ZDHHC22: variants seen among roughly 807,000 people sequenced by gnomAD.
ZDHHC22 encodes palmitoyltransferase ZDHHC22.
A neutral mutation model predicts 17.0 loss-of-function variants in ZDHHC22; 13 were observed. The observed-to-expected ratio is 0.76, with a 90% CI of 0.50 to 1.21. The LOEUF (loss-of-function observed/expected upper bound fraction) is 1.21, where lower values mean the gene tolerates loss of function less well. ZDHHC22 is among the 50% of genes most tolerant of loss of function. The pLI is 0.00. For synonymous variants in ZDHHC22, 138 were observed against 154.7 expected, an observed-to-expected ratio of 0.89 and a Z score of 0.80; for missense variants, 319 against 342.3, an observed-to-expected ratio of 0.93 and a Z score of 0.54.
intron 1 of ZDHHC22, chr14:77,141,117 T>C (rs1887246418): frequency 6.6e-6 from 1 of 152,130 alleles, no homozygotes; most frequent in African/African-American, 2.4e-5. Context: ...CGCAGCGCAG[T>C]GCACGCCTGA....
Position 77,133,506 on chromosome 14 carries a change from C to T in ZDHHC22, c.*177G>A. 1.1e-6 allele frequency: 1 copy of T among 893,994 alleles called. No homozygotes were observed. The highest frequency in any genetic ancestry group is 2.4e-5 in the South Asian group (1 of 42,454). The allele number at this position is 893,994 out of a possible 1,614,324, so 55.4% of individuals were successfully genotyped here. On this transcript the variant is annotated 3_prime_UTR_variant, in exon 3 of 3. Coordinates refer to ENST00000319374, the MANE Select transcript of ZDHHC22 (RefSeq NM_174976.2). ...TAGAAATGCCTGGGGGGACATTTTT[C>T]CTCCTTGTCATGATCCACCAGCTCA...
rs899488486 is a variant in ZDHHC22 at position 77,131,490 on chromosome 14, G to T, written c.*2193C>A. 1 of 152,198 alleles carries T rather than the reference G, an allele frequency of 6.6e-6. No individual in the cohort carries two copies. Among genetic ancestry groups the T allele is most frequent in the East Asian group, 1.9e-4 (1 of 5,194 alleles). The allele number at this position is 152,198 out of a possible 1,614,324, so 9.4% of individuals were successfully genotyped here. On this transcript the variant is annotated 3_prime_UTR_variant, in exon 3 of 3. Transcript: ENST00000319374. ...CAGGAGGCTGGAAATAGCAGGGCTGGCTTCTAAGCTTGAGCTCTGGAGCCA... is the reference window on the plus strand; with the variant it reads ...CAGGAGGCTGGAAATAGCAGGGCTGTCTTCTAAGCTTGAGCTCTGGAGCCA...
chr14:77,139,083 A>T, intron 2 of ZDHHC22, 130 bp downstream of exon 2: 1 of 1,051,874 alleles, frequency 9.5e-7, no homozygotes, highest in Non-Finnish European at 1.4e-6. Context: ...TGAAATTTTA[A>T]TTTAGCGGGA....
chr14:77,136,834 G>A (rs1465164726), intron 2 of ZDHHC22, among the ~76,000 whole-genome samples: 1 of 152,184 alleles, frequency 6.6e-6, no homozygotes, highest in East Asian at 1.9e-4. Flanking sequence ...GCAGTGGCAT[G>A]ATCATAGCTC....
At position 77,139,235 on chromosome 14, in the gene ZDHHC22, G is replaced by A. The variant is rs1275657716; in HGVS notation, c.504C>T (p.Thr168=). The change falls in exon 2 of 3, where the codon ACC becomes ACT. Residue 168 remains threonine, a synonymous_variant. Transcript: ENST00000319374. ...CACCGGAGAAGAACTGGCTGATGGAGGTGGGCAGGAGCGTGAGGAAGGCCA... is the reference window on the plus strand; with the variant it reads ...CACCGGAGAAGAACTGGCTGATGGAAGTGGGCAGGAGCGTGAGGAAGGCCA... The part of the protein sequence containing the change: ...HPLAFLTLLP[T]SISQFFSGAV... The A allele has an allele frequency of 1.9e-6, 3 of 1,586,656 alleles. No homozygotes were observed. Among genetic ancestry groups the A allele is most frequent in the South Asian group, 2.3e-5 (2 of 86,738 alleles).
intron 2 of ZDHHC22, among the ~76,000 whole-genome samples, chr14:77,138,084 G>C (rs1489750137): frequency 2.6e-5 from 4 of 152,182 alleles, no homozygotes; most frequent in Admixed American, 2.6e-4. Flanking sequence ...CAAGCACGTA[G>C]ACACTACTGA....
rs956104894 is a variant in ZDHHC22 at position 77,133,513 on chromosome 14, G to A, written c.*170C>T. ...GCCTGGGGGGACATTTTTCCTCCTT[G>A]TCATGATCCACCAGCTCACGCTGTT... On this transcript the variant is annotated 3_prime_UTR_variant, in exon 3 of 3. Transcript: ENST00000319374. 4.2e-6 allele frequency: 4 copies of A among 957,758 alleles called. No homozygotes were observed. Among genetic ancestry groups the A allele is most frequent in the Non-Finnish European group, 5.8e-6 (4 of 684,846 alleles). 59.3% of individuals were successfully genotyped at this position (957,758 alleles called of 1,614,324 possible). A position where few individuals can be genotyped will look rare whatever the true frequency, so the allele number is the denominator to read the frequency against.
chr14:77,136,310 A>C (rs1456659759), intron 2 of ZDHHC22, among the ~76,000 whole-genome samples: 1 of 152,168 alleles, frequency 6.6e-6, no homozygotes, highest in Non-Finnish European at 1.5e-5. Context: ...TTGGTTTCTG[A>C]GCCTTAAAAA....
chr14:77,139,147 G>T, intron 2 of ZDHHC22, 66 bp downstream of exon 2: 8 of 1,492,796 alleles, frequency 5.4e-6, no homozygotes, highest in Non-Finnish European at 7.2e-6. Flanking sequence ...GGGGTTTGGG[G>T]CCCGGCAACC....
In ZDHHC22 at chr14:77,139,215, GAGA is replaced by G; in HGVS notation, c.521_523del (p.Phe174del). 2 of 1,574,842 alleles carry G rather than the reference GAGA, an allele frequency of 1.3e-6. No individual in the cohort carries two copies. Among genetic ancestry groups the G allele is most frequent in the Non-Finnish European group, 1.7e-6 (2 of 1,159,920 alleles). ...CCTGCCCGCCAAGGCCCACTCACCG[GAGA>G]AGAACTGGCTGATGGAGGTGGGCAG... On this transcript the variant is annotated inframe_deletion, in exon 2 of 3. Coordinates refer to ENST00000319374, the MANE Select transcript of ZDHHC22 (RefSeq NM_174976.2).
chr14:77,139,447 G>A lies in ZDHHC22; in HGVS notation c.292C>T (p.Arg98Ter), dbSNP rs763970979. 1.2e-6 allele frequency: 2 copies of A among 1,612,916 alleles called. No homozygotes were observed. The highest frequency in any genetic ancestry group is 2.2e-5 in the South Asian group (2 of 90,716). Residue 98 changes from arginine (R) to a stop codon, truncating the protein, a stop_gained, in exon 2 of 3, where the codon CGA (arginine) becomes TGA (stop). Transcript: ENST00000319374. LOFTEE classifies it high-confidence loss of function. ...CTCAGGGTGACTCTGGCGCACACTC[G>A]GCAGAAGTGGGTGCTAGGTGAGGGG... Reference protein sequence around the residue: ...PCPSPSTHFCRVCARVTLRHD... With the variant: ...PCPSPSTHFC
chr14:77,134,013 A>T, intron 2 of ZDHHC22, 65 bp from the exon 3 acceptor site: 2 of 1,480,372 alleles, frequency 1.4e-6, no homozygotes, highest in Non-Finnish European at 9.0e-7. Context: ...CATAACTGCG[A>T]TCTAGGCAGG....
In ZDHHC22 at chr14:77,132,574, C is replaced by G. The variant is rs1217446339; in HGVS notation, c.*1109G>C. On this transcript the variant is annotated 3_prime_UTR_variant, in exon 3 of 3. Transcript: ENST00000319374. The stretch of plus-strand genomic sequence containing the variant: ...CTAGAATGACCCTGTACAGAAATCC[C>G]TTCCACAGCATGCCTGGCAGACGAC... 6.6e-6 allele frequency: 1 copy of G among 152,210 alleles called. No homozygotes were observed. The highest frequency in any genetic ancestry group is 2.4e-5 in the African/African-American group (1 of 41,434). The allele number at this position is 152,210 out of a possible 1,614,324, so 9.4% of individuals were successfully genotyped here.
In ZDHHC22 at chr14:77,133,264, C is replaced by A. The variant is rs1376208089; in HGVS notation, c.*419G>T. ...GGTGATTTTAAACATTTGCCAGCCT[C>A]TAGGTCCCAGGGAGTCTCATACCAG... On this transcript the variant is annotated 3_prime_UTR_variant, in exon 3 of 3. Transcript: ENST00000319374. 3 of 166,190 alleles carry A rather than the reference C, an allele frequency of 1.8e-5. No homozygotes were observed. The highest frequency in any genetic ancestry group is 7.2e-5 in the African/African-American group (3 of 41,848). The allele number at this position is 166,190 out of a possible 1,614,324, so 10.3% of individuals were successfully genotyped here. A position where few individuals can be genotyped will look rare whatever the true frequency, so the allele number is the denominator to read the frequency against.
intron 2 of ZDHHC22, among the ~76,000 whole-genome samples, chr14:77,138,574 CA>C (rs1887182669): frequency 6.7e-6 from 1 of 149,456 alleles, no homozygotes; most frequent in Admixed American, 6.7e-5. Context: ...AAAAAAAAAA[CA>C]AAAAACCTGC....
At position 77,139,607 on chromosome 14, in the gene ZDHHC22, G is replaced by T; in HGVS notation, c.132C>A (p.Phe44Leu). 1 of 1,587,364 alleles carries T rather than the reference G, an allele frequency of 6.3e-7. No homozygotes were observed. Among genetic ancestry groups the T allele is most frequent in the Non-Finnish European group, 8.6e-7 (1 of 1,166,584 alleles). Residue 44 changes from phenylalanine (F) to leucine (L), a missense_variant, in exon 2 of 3, where the codon TTC becomes TTA. By Grantham distance (22) the Phe-to-Leu change is conservative. Coordinates refer to ENST00000319374, the MANE Select transcript of ZDHHC22 (RefSeq NM_174976.2). ...GCGCCCCGTGGAGCAGGGCGGGCGA[G>T]AAGAGCCGGGCGGCCGCGGGGTCCT... is the stretch of plus-strand genomic sequence containing the variant. ...MREDPAAARL[F>L]SPALLHGALF... is the part of the protein sequence containing the mutation.
chr14:77,139,004 A>T (rs1276759871), intron 2 of ZDHHC22, among the ~76,000 whole-genome samples: 1 of 152,258 alleles, frequency 6.6e-6, no homozygotes, highest in Non-Finnish European at 1.5e-5. Flanking sequence ...AGCCAATAGC[A>T]AATTTTCTCA....
chr14:77,139,931 A>C (rs1315333512), intron 1 of ZDHHC22, among the ~76,000 whole-genome samples, 179 bp from the exon 2 acceptor site: 1 of 152,100 alleles, frequency 6.6e-6, no homozygotes, highest in Non-Finnish European at 1.5e-5. Context: ...CAGAGACCCG[A>C]GCCCGCAGCG....
In ZDHHC22 at chr14:77,139,828, G is replaced by A. The variant is rs774685211; in HGVS notation, c.-14-76C>T. 86 of 1,389,278 alleles carry A rather than the reference G, an allele frequency of 6.2e-5. No individual in the cohort carries two copies. In the Middle Eastern group the frequency reaches 1.6e-3, roughly 26 times the overall value. The allele number at this position is 1,389,278 out of a possible 1,614,324, so 86.1% of individuals were successfully genotyped here. On this transcript the variant is annotated intron_variant, in intron 1 of 2. Transcript: ENST00000319374. Reference sequence around the variant, plus strand: ...GCGCCCTCGCCCGCTCCTCCGTGCCGCGCGTCTGGGGCACTGCACGCGACT... The same window carrying A: ...GCGCCCTCGCCCGCTCCTCCGTGCCACGCGTCTGGGGCACTGCACGCGACT...
Sources: gnomAD v4.1 joint callset for allele counts (sites outside exome capture counted in the v4.1 genomes callset) on GRCh38, gnomAD v4.1.1 for gene constraint, MANE v1.5 for transcripts, NCBI Gene and HGNC (gene_info 2026-07-23, HGNC 2026-07-21) for gene names.